RANBP9: variants seen among roughly 807,000 people sequenced by gnomAD.
The protein encoded by RANBP9 is ran-binding protein 9.
RANBP9 carries 15 observed loss-of-function variants against 84.3 expected under a neutral mutation model. The ratio of observed to expected loss-of-function variants is 0.18; its 90% CI spans 0.12 to 0.27. The LOEUF (loss-of-function observed/expected upper bound fraction) is 0.27. Among genes scored for constraint, RANBP9 ranks in the 10% least tolerant of loss-of-function variants. RANBP9 has a pLI of 1.00. For synonymous variants in RANBP9, 392 were observed against 349.6 expected (o/e 1.12, Z -1.35); for missense variants, 809 against 912.8 (o/e 0.89, Z 1.46).
chr6:13,706,920 G>A (rs759719892), intron 1 of RANBP9, among the ~76,000 whole-genome samples: 33 of 146,260 alleles, frequency 2.3e-4, no homozygotes, highest in Non-Finnish European at 3.8e-4. Context: ...TGAGGCAGAA[G>A]AACTGCATGA....
At position 13,696,767 on chromosome 6, in the gene RANBP9, T is replaced by C. The variant is rs192630312; in HGVS notation, c.683+18A>G. 4.5e-6 allele frequency: 7 copies of C among 1,569,708 alleles called. No homozygotes were observed. Among genetic ancestry groups the C allele is most frequent in the African/African-American group, 1.4e-5 (1 of 73,350 alleles). On this transcript the variant is annotated intron_variant, in intron 2 of 13. Coordinates refer to ENST00000011619, the MANE Select transcript of RANBP9 (RefSeq NM_005493.3). ...CAAAAAAACTAGCAAACGATTTTTC[T>C]CACCAAAATTTACTTACCCATCTCT... is the stretch of plus-strand genomic sequence containing the variant.
intron 9 of RANBP9, among the ~76,000 whole-genome samples, chr6:13,638,424 G>A (rs1764989046): frequency 6.6e-6 from 1 of 152,146 alleles, no homozygotes; most frequent in Non-Finnish European, 1.5e-5. Flanking sequence ...GTTACTTCAT[G>A]AAAGGAAAGG....
chr6:13,695,342 G>A (rs1371971772), intron 2 of RANBP9, among the ~76,000 whole-genome samples: 1 of 135,582 alleles, frequency 7.4e-6, no homozygotes, highest in African/African-American at 2.8e-5. Context: ...GAGATGAACA[G>A]AAAAGTTAAA....
At position 13,665,251 on chromosome 6, in the gene RANBP9, CT is replaced by C. The variant is rs1562310510; in HGVS notation, c.684-6420del. Among the ~76,000 whole-genome samples, 2 of 152,154 alleles carry C rather than the reference CT, an allele frequency of 1.3e-5. 1 individual carries two copies. The highest frequency in any genetic ancestry group is 4.1e-4 in the South Asian group (2 of 4,822). On this transcript the variant is annotated intron_variant, in intron 2 of 13. Transcript: ENST00000011619. ...AAAGGAAGACCCATAAAAGAGTAAA[CT>C]CATAAATAAAACTTTAGCAAAATTT...
At chr6:13,703,267 T>C (rs1211470486) in intron 1 of RANBP9, among the ~76,000 whole-genome samples, 4 of 152,224 alleles carry the variant, frequency 2.6e-5, no homozygotes, top group African/African-American at 9.7e-5. Flanking sequence ...GTTGGTGTTC[T>C]TCAGGGTCCC....
At chr6:13,655,971 T>G (rs1224156892) in intron 4 of RANBP9, among the ~76,000 whole-genome samples, 1 of 152,198 alleles carries the variant, frequency 6.6e-6, no homozygotes, top group Non-Finnish European at 1.5e-5. Flanking sequence ...AAGGATCTCT[T>G]GTGGACTTGA....
intron 10 of RANBP9, among the ~76,000 whole-genome samples, chr6:13,637,287 C>T (rs1584915542): frequency 6.6e-6 from 1 of 152,116 alleles, no homozygotes; most frequent in African/African-American, 2.4e-5. Flanking sequence ...ATGACTTAAC[C>T]ATCTGCTATA....
intron 4 of RANBP9, among the ~76,000 whole-genome samples, chr6:13,656,292 T>A (rs1269151854): frequency 6.6e-6 from 1 of 152,120 alleles, no homozygotes; most frequent in East Asian, 1.9e-4. Flanking sequence ...TTTTACCTCA[T>A]TAAAAATAAT....
At chr6:13,654,250 T>C (rs987712105) in intron 4 of RANBP9, among the ~76,000 whole-genome samples, 1 of 152,186 alleles carries the variant, frequency 6.6e-6, no homozygotes, top group Non-Finnish European at 1.5e-5. Context: ...CAAGATGGCA[T>C]AACTATTTGA....
At chr6:13,674,750 T>C (rs867391035) in intron 2 of RANBP9, among the ~76,000 whole-genome samples, 1 of 152,246 alleles carries the variant, frequency 6.6e-6, no homozygotes, top group Non-Finnish European at 1.5e-5. Flanking sequence ...TTAAGGGCTG[T>C]AGAGTCTTAG....
intron 1 of RANBP9, among the ~76,000 whole-genome samples, chr6:13,697,500 C>T (rs985586741): frequency 5.9e-5 from 9 of 152,126 alleles, no homozygotes; most frequent in African/African-American, 1.2e-4. Flanking sequence ...AATTTCTAAA[C>T]GTATTTTTTT....
chr6:13,669,237 G>A (rs1391388628), intron 2 of RANBP9, among the ~76,000 whole-genome samples: 1 of 152,038 alleles, frequency 6.6e-6, no homozygotes, highest in Non-Finnish European at 1.5e-5. Context: ...CTAAGTAAAT[G>A]GAAAGACTCC....
intron 8 of RANBP9, among the ~76,000 whole-genome samples, chr6:13,640,519 G>A (rs150538511): frequency 4.0e-4 from 61 of 152,292 alleles, no homozygotes; most frequent in African/African-American, 1.3e-3. Context: ...GTGTCCATCA[G>A]TGGATGAATG....
chr6:13,675,029 T>C, intron 2 of RANBP9, among the ~76,000 whole-genome samples: 1 of 152,108 alleles, frequency 6.6e-6, no homozygotes, highest in East Asian at 1.9e-4. Flanking sequence ...CAAAAACTGA[T>C]AGAGCTACGA....
intron 12 of RANBP9, 72 bp downstream of exon 12, chr6:13,632,298 C>A: frequency 6.7e-7 from 1 of 1,487,170 alleles, no homozygotes; most frequent in Non-Finnish European, 9.2e-7. Flanking sequence ...TGGTACACTG[C>A]TCAGTGTTTC....
intron 13 of RANBP9, among the ~76,000 whole-genome samples, chr6:13,623,342 G>C (rs1464811540): frequency 6.6e-6 from 1 of 152,174 alleles, no homozygotes; most frequent in Non-Finnish European, 1.5e-5. Context: ...TTGACACATG[G>C]CTAGGAAGGC....
chr6:13,675,831 G>A (rs1397607724), intron 2 of RANBP9, among the ~76,000 whole-genome samples: 2 of 150,952 alleles, frequency 1.3e-5, no homozygotes, highest in East Asian at 3.9e-4. Flanking sequence ...CATTAAAAAA[G>A]TATTAAAGAA....
rs1038723505 is a variant in RANBP9 at position 13,637,821 on chromosome 6, T to C, written c.1660A>G (p.Asn554Asp). Reference sequence around the variant, plus strand: ...GAAATTACTTACCTGGTGAAGTTATTAACTTGCTGTGATCTTGACATATTT... The same window carrying C: ...GAAATTACTTACCTGGTGAAGTTATCAACTTGCTGTGATCTTGACATATTT... Reference protein sequence around the residue: ...SINMSRSQQVNNFTSNDVDME... With the variant: ...SINMSRSQQVDNFTSNDVDME... Residue 554 changes from asparagine (N) to aspartate (D), a missense_variant, in exon 10 of 14, where the codon AAT becomes GAT. Physicochemically the swap from Asn to Asp is conservative, Grantham distance 23. This residue lies in a region of RANBP9 where 233 missense variants were observed against 234.4 expected (regional missense o/e 0.99). Coordinates refer to ENST00000011619, the MANE Select transcript of RANBP9 (RefSeq NM_005493.3). The C allele has an allele frequency of 6.3e-7, 1 of 1,594,182 alleles. No individual in the cohort carries two copies. The highest frequency in any genetic ancestry group is 8.5e-7 in the Non-Finnish European group (1 of 1,172,872).
In RANBP9 at chr6:13,638,006, T is replaced by C. The variant is rs368118894; in HGVS notation, c.1526-51A>G. The C allele has an allele frequency of 5.3e-6, 8 of 1,501,214 alleles. No individual in the cohort carries two copies. In the African/African-American group the frequency reaches 1.1e-4, roughly 21 times the overall value. 93.0% of individuals were successfully genotyped at this position (1,501,214 alleles called of 1,614,324 possible). On this transcript the variant is annotated intron_variant, in intron 9 of 13. Transcript: ENST00000011619. ...ACAGAAACAAACACTAATTTATTAA[T>C]ACGGTTGTAAACAAGTCTCCATGTT...
Sources: gnomAD v4.1 joint callset for allele counts (sites outside exome capture counted in the v4.1 genomes callset) on GRCh38, gnomAD v4.1.1 for gene constraint, gnomAD v4.1.1 regional missense constraint, MANE v1.5 for transcripts, NCBI Gene and HGNC (gene_info 2026-07-23, HGNC 2026-07-21) for gene names.